MYH2: variants seen among roughly 807,000 people sequenced by gnomAD.
MYH2 encodes myosin-2.
In MYH2, 139 loss-of-function variants were observed where a neutral mutation model predicts 228.1. The ratio of observed to expected loss-of-function variants is 0.61; its 90% CI spans 0.53 to 0.70. MYH2 has a LOEUF of 0.70. Among genes scored for constraint, MYH2 ranks in the 30% least tolerant of loss-of-function variants. The pLI is 0.00. For synonymous variants in MYH2, 796 were observed against 871.1 expected, an observed-to-expected ratio of 0.91 and a Z score of 1.52; for missense variants, 1,809 against 2,357.5, an observed-to-expected ratio of 0.77 and a Z score of 4.82.
chr17:10,540,717 C>G lies in MYH2; in HGVS notation c.905-20G>C. 6.6e-7 allele frequency: 1 copy of G among 1,526,004 alleles called. No individual in the cohort carries two copies. The highest frequency in any genetic ancestry group is 9.1e-7 in the Non-Finnish European group (1 of 1,100,086). The allele number at this position is 1,526,004 out of a possible 1,614,324, so 94.5% of individuals were successfully genotyped here. A position where few individuals can be genotyped will look rare whatever the true frequency, so the allele number is the denominator to read the frequency against. The stretch of plus-strand genomic sequence containing the variant: ...GCATTTCTAAGTACAGGAAACAGAA[C>G]AAAGATAAACATAATTATCTTCTTC... On this transcript the variant is annotated intron_variant, in intron 10 of 39. Coordinates refer to ENST00000245503, the MANE Select transcript of MYH2 (RefSeq NM_017534.6).
chr17:10,544,835 T>A (rs575283346), intron 5 of MYH2, among the ~76,000 whole-genome samples: 5 of 152,270 alleles, frequency 3.3e-5, no homozygotes, highest in African/African-American at 4.8e-5. Flanking sequence ...ATCTGGAGCC[T>A]GTTCAGGTTG....
At position 10,525,455 on chromosome 17, in the gene MYH2, T is replaced by G. The variant is rs1467089006; in HGVS notation, c.4533A>C (p.Leu1511Phe). 1 of 1,614,218 alleles carries G rather than the reference T, an allele frequency of 6.2e-7. No individual in the cohort carries two copies. The highest frequency in any genetic ancestry group is 1.1e-5 in the South Asian group (1 of 91,082). ...LETLKRENKN[L>F]QQEISDLTEQ... ...TTGAATATGATAGGGACTTACGCTG[T>G]AAGTTTTTGTTCTCTCGCTTCAGGG... Residue 1511 changes from leucine (L) to phenylalanine (F), a missense_variant, in exon 32 of 40, where the codon TTA becomes TTC. By Grantham distance (22) the Leu-to-Phe change is conservative (BLOSUM62 0). Coordinates refer to ENST00000245503, the MANE Select transcript of MYH2 (RefSeq NM_017534.6). This position sits in a 1 kb window ranked among gnomAD's most constrained non-coding sequence, Gnocchi z 4.2.
Position 10,523,646 on chromosome 17 carries a change from C to T in MYH2, c.5322G>A (p.Glu1774=), listed in dbSNP as rs1165672060. The T allele has an allele frequency of 2.5e-6, 4 of 1,614,124 alleles. No homozygotes were observed. Among genetic ancestry groups the T allele is most frequent in the Admixed American group, 1.7e-5 (1 of 60,006 alleles). The change falls in exon 37 of 40, where the codon GAG becomes GAA. Residue 1774 remains glutamate (E), a synonymous_variant. Transcript: ENST00000245503. The part of the protein sequence containing the change: ...AITDAAMMAE[E]LKKEQDTSAH... ...CGCTGGTGTCCTGCTCCTTCTTCAG[C>T]TCCTCAGCCATCATGGCGGCCTAAA...
intron 16 of MYH2, 54 bp from the exon 17 acceptor site, chr17:10,536,660 T>G: frequency 3.9e-6 from 6 of 1,521,898 alleles, no homozygotes; most frequent in Non-Finnish European, 5.4e-6. Context: ...GGCTACTTCT[T>G]GCGTATTTGC....
intron 21 of MYH2, among the ~76,000 whole-genome samples, chr17:10,532,368 T>C (rs2073435348): frequency 6.6e-6 from 1 of 152,150 alleles, no homozygotes; most frequent in African/African-American, 2.4e-5. Flanking sequence ...TATTAAAAAC[T>C]CAGAATTTCT....
intron 19 of MYH2, among the ~76,000 whole-genome samples, chr17:10,534,505 A>T (rs2073460100): frequency 6.6e-6 from 1 of 152,242 alleles, no homozygotes; most frequent in Non-Finnish European, 1.5e-5. Flanking sequence ...TAAGCACTCA[A>T]AAAGGTCGTT....
chr17:10,539,699 T>A, intron 12 of MYH2, 137 bp from the exon 13 acceptor site: 2 of 1,185,002 alleles, frequency 1.7e-6, no homozygotes, highest in Non-Finnish European at 2.4e-6. Context: ...ATTTGTTCAT[T>A]AAGTTCAAGT....
intron 5 of MYH2, 54 bp downstream of exon 5, chr17:10,545,292 C>T: frequency 6.2e-7 from 1 of 1,611,834 alleles, no homozygotes; most frequent in Non-Finnish European, 8.5e-7. Context: ...GTCTCTTTCT[C>T]CTATGGTTCT....
chr17:10,527,850 T>G lies in MYH2; in HGVS notation c.3769A>C (p.Thr1257Pro). ...AGTTCACTCAGTTGGTCCTCTAGAG[T>G]CCGGCACATTTTCTCTAGGTTTCCC... ...AKGNLEKMCR[T>P]LEDQLSELKS... Residue 1257 changes from threonine to proline, a missense_variant, in exon 28 of 40, where the codon ACT (threonine) becomes CCT (proline). Physicochemically the swap from Thr to Pro is conservative, Grantham distance 38. Coordinates refer to ENST00000245503, the MANE Select transcript of MYH2 (RefSeq NM_017534.6). The G allele has an allele frequency of 6.2e-7, 1 of 1,613,578 alleles. No homozygotes were observed. The highest frequency in any genetic ancestry group is 8.5e-7 in the Non-Finnish European group (1 of 1,179,968).
In MYH2 at chr17:10,525,640, T is replaced by G; in HGVS notation, c.4372-24A>C. Reference sequence around the variant, plus strand: ...ATCTGAAAAACCAAGACCTGTTACCTGCTGCAAAGACAAAAGAGTAGAGTA... The same window carrying G: ...ATCTGAAAAACCAAGACCTGTTACCGGCTGCAAAGACAAAAGAGTAGAGTA... On this transcript the variant is annotated intron_variant, in intron 31 of 39. Coordinates refer to ENST00000245503, the MANE Select transcript of MYH2 (RefSeq NM_017534.6). The surrounding 1 kb of genome is among the most constrained non-coding windows in gnomAD (Gnocchi z 4.2). The G allele has an allele frequency of 6.2e-7, 1 of 1,614,192 alleles. No individual in the cohort carries two copies. The highest frequency in any genetic ancestry group is 8.5e-7 in the Non-Finnish European group (1 of 1,180,028).
chr17:10,544,240 G>C, intron 5 of MYH2, 113 bp from the exon 6 acceptor site: 1 of 1,346,528 alleles, frequency 7.4e-7, no homozygotes, highest in Non-Finnish European at 1.0e-6. Context: ...GCAACCTTTA[G>C]GGCTTGGCAG....
chr17:10,546,400 T>A (rs1414700373), intron 4 of MYH2, among the ~76,000 whole-genome samples: 1 of 151,218 alleles, frequency 6.6e-6, no homozygotes, highest in Admixed American at 6.6e-5. Flanking sequence ...CTTGTATAGG[T>A]GTTGCCTAGC....
Position 10,523,184 on chromosome 17 carries a change from G to A in MYH2, c.5579C>T (p.Thr1860Met), listed in dbSNP as rs148724880. The change falls in exon 39 of 40, where the codon ACG (threonine) becomes ATG (methionine). Residue 1860 changes from threonine (T) to methionine (M), a missense_variant and splice_region_variant. Thr to Met is a moderately conservative substitution (Grantham distance 81). Around this residue, in one of 9 missense-constraint regions of MYH2, gnomAD observed 278 missense variants for 308.5 expected, o/e 0.90. Coordinates refer to ENST00000245503, the MANE Select transcript of MYH2 (RefSeq NM_017534.6). ...ERRVKELTYQ[T>M]EEDRKNILRL... The stretch of plus-strand genomic sequence containing the variant: ...GAGAATATTCTTTCTATCTTCTTCC[G>A]TCTGAAAGATTATAAAAAGTCCAGG... The A allele has an allele frequency of 5.5e-5, 89 of 1,612,456 alleles. 1 individual carries two copies. The highest frequency in any genetic ancestry group is 2.4e-4 in the South Asian group (22 of 91,046).
At position 10,537,647 on chromosome 17, in the gene MYH2, C is replaced by T. The variant is rs1328373189; in HGVS notation, c.1587+18G>A. 1 of 1,614,014 alleles carries T rather than the reference C, an allele frequency of 6.2e-7. No homozygotes were observed. The highest frequency in any genetic ancestry group is 1.7e-5 in the Admixed American group (1 of 60,002). ...ATATAGTTGCCGCAAAATATGGTTT[C>T]AGAAATGCAAAACCAACCTTCTCGA... On this transcript the variant is annotated intron_variant, in intron 15 of 39. Transcript: ENST00000245503. This position sits in a 1 kb window ranked among gnomAD's most constrained non-coding sequence, Gnocchi z 4.0.
rs116851704 is a variant in MYH2 at position 10,537,874 on chromosome 17, T to C, written c.1417-39A>G. 15 of 1,614,104 alleles carry C rather than the reference T, an allele frequency of 9.3e-6. No homozygotes were observed. The East Asian group carries it at 3.3e-4, about 36-fold the overall frequency. On this transcript the variant is annotated intron_variant, in intron 14 of 39. Transcript: ENST00000245503. The surrounding 1 kb of genome is among the most constrained non-coding windows in gnomAD (Gnocchi z 4.0). Reference sequence around the variant, plus strand: ...TATGTTTACTTCTCTCTTAAGCAAATTGAGTATTTTTTAAAATACAGAACT... The same window carrying C: ...TATGTTTACTTCTCTCTTAAGCAAACTGAGTATTTTTTAAAATACAGAACT...
intron 4 of MYH2, among the ~76,000 whole-genome samples, chr17:10,546,278 T>TATATATATATATATATAG (rs2073630375): frequency 8.2e-6 from 1 of 121,566 alleles, no homozygotes. Context: ...TATATATATA[T>TATATATATATATATATAG]ATATATATAT....
rs1418331078 is a variant in MYH2 at position 10,525,318 on chromosome 17, G to T, written c.4568C>A (p.Ala1523Glu). 4.3e-6 allele frequency: 7 copies of T among 1,613,900 alleles called. No homozygotes were observed. Among genetic ancestry groups the T allele is most frequent in the Non-Finnish European group, 5.9e-6 (7 of 1,180,012 alleles). ...TTCATGGATACGTTTCCCTCCTTCT[G>T]CAATCTGTTCCGTGAGGTCAGAAAT... ...QEISDLTEQIAEGGKRIHELE... is the reference protein window; with the variant it reads ...QEISDLTEQIEEGGKRIHELE... The change falls in exon 33 of 40, where the codon GCA becomes GAA. Residue 1523 changes from alanine (A) to glutamate (E), a missense_variant. Transcript: ENST00000245503. This position sits in a 1 kb window ranked among gnomAD's most constrained non-coding sequence, Gnocchi z 4.2.
chr17:10,543,864 G>A (rs377224528), intron 7 of MYH2, 38 bp downstream of exon 7: 218 of 1,613,930 alleles, frequency 1.4e-4, no homozygotes, highest in Non-Finnish European at 1.7e-4. Flanking sequence ...TGAGAGTCCC[G>A]ACAGAGTCTG....
rs1311500972 is a variant in MYH2 at position 10,529,961 on chromosome 17, C to G, written c.2811G>C (p.Glu937Asp). 13 of 1,613,998 alleles carry G rather than the reference C, an allele frequency of 8.1e-6. No individual in the cohort carries two copies. Among genetic ancestry groups the G allele is most frequent in the East Asian group, 4.5e-5 (2 of 44,872 alleles). ...TCTTGGCTGTCAGCTCAGCATTGATCTCTTCCTCATCCTCAGCTCTCTCAG... is the reference window on the plus strand; with the variant it reads ...TCTTGGCTGTCAGCTCAGCATTGATGTCTTCCTCATCCTCAGCTCTCTCAG... ...EVTERAEDEEEINAELTAKKR... is the reference protein window; with the variant it reads ...EVTERAEDEEDINAELTAKKR... Residue 937 changes from glutamate (E) to aspartate (D), a missense_variant, in exon 23 of 40, where the codon GAG becomes GAC. Glu to Asp is a conservative substitution (Grantham distance 45, BLOSUM62 2). Around this residue, in one of 9 missense-constraint regions of MYH2, gnomAD observed 43 missense variants for 89.2 expected, o/e 0.48. Transcript: ENST00000245503.
Sources: gnomAD v4.1 joint callset for allele counts (sites outside exome capture counted in the v4.1 genomes callset) on GRCh38, gnomAD v4.1.1 for gene constraint, gnomAD v4.1.1 regional missense constraint, Gnocchi (gnomAD v3.1) non-coding constraint, MANE v1.5 for transcripts, NCBI Gene and HGNC (gene_info 2026-07-23, HGNC 2026-07-21) for gene names.